Variants in XRCC4 observed in about 807,000 individuals in gnomAD.
XRCC4 encodes DNA repair protein XRCC4.
Under a neutral mutation model 39.1 loss-of-function variants are expected in XRCC4, and 28 were observed. The ratio of observed to expected loss-of-function variants is 0.72; its 90% confidence interval spans 0.53 to 0.98. The LOEUF (loss-of-function observed/expected upper bound fraction) is 0.98. XRCC4 is among the 50% of genes least tolerant of loss of function. XRCC4 has a pLI of 0.00. For missense variants in XRCC4, 350 were observed against 376.4 expected (o/e 0.93, Z 0.58); for synonymous variants, 123 against 126.4 (o/e 0.97, Z 0.18).
At chr5:83,136,144 C>T (rs529499867) in intron 3 of XRCC4, among the ~76,000 whole-genome samples, 4 of 152,216 alleles carry the variant, frequency 2.6e-5, no homozygotes, top group African/African-American at 9.6e-5. Flanking sequence ...ACTTCTGAGT[C>T]CTTTTACCTG....
At chr5:83,217,589 A>G (rs778373720) in intron 6 of XRCC4, among the ~76,000 whole-genome samples, 2 of 152,090 alleles carry the variant, frequency 1.3e-5, no homozygotes, top group Non-Finnish European at 2.9e-5. Context: ...CACTGGAGCT[A>G]TTGAAGAATG....
intron 1 of XRCC4, among the ~76,000 whole-genome samples, chr5:83,086,177 AAATG>A (rs2112295587): frequency 6.6e-6 from 1 of 152,352 alleles, no homozygotes; most frequent in Admixed American, 6.5e-5. Context: ...TTCTTAGAAG[AAATG>A]AATGATTTAT....
At chr5:83,280,078 A>C (rs1754482968) in intron 7 of XRCC4, 1 of 201,324 alleles carries the variant, frequency 5.0e-6, no homozygotes, top group Non-Finnish European at 1.1e-5. Flanking sequence ...ATTCAAAAGA[A>C]ATTGAAAAAT....
At chr5:83,243,176 A>C (rs954151149) in intron 6 of XRCC4, among the ~76,000 whole-genome samples, 1 of 152,230 alleles carries the variant, frequency 6.6e-6, no homozygotes, top group Admixed American at 6.5e-5. Context: ...TAATGTTTTA[A>C]TGGAAGTGAT....
intron 4 of XRCC4, among the ~76,000 whole-genome samples, chr5:83,196,290 T>G (rs1364511371): frequency 1.3e-5 from 2 of 152,168 alleles, no homozygotes; most frequent in African/African-American, 4.8e-5. Context: ...AGACATGAAA[T>G]AAAATAAGCA....
At chr5:83,246,970 A>G (rs1399926250) in intron 6 of XRCC4, among the ~76,000 whole-genome samples, 2 of 152,190 alleles carry the variant, frequency 1.3e-5, no homozygotes, top group Non-Finnish European at 2.9e-5. Flanking sequence ...TAGTGGAGTG[A>G]CATACATACA....
At chr5:83,136,491 T>C (rs1015646025) in intron 3 of XRCC4, among the ~76,000 whole-genome samples, 1 of 152,198 alleles carries the variant, frequency 6.6e-6, no homozygotes, top group African/African-American at 2.4e-5. Flanking sequence ...GTTTTGGAAT[T>C]TGGGTTTTCT....
chr5:83,289,696 A>G (rs567298873), intron 7 of XRCC4, among the ~76,000 whole-genome samples: 1 of 151,894 alleles, frequency 6.6e-6, no homozygotes, highest in Non-Finnish European at 1.5e-5. Context: ...CTCTACAAGT[A>G]TTTCTCTGGT....
chr5:83,308,083 A>T (rs1202543251), intron 7 of XRCC4, among the ~76,000 whole-genome samples: 1 of 152,190 alleles, frequency 6.6e-6, no homozygotes, highest in African/African-American at 2.4e-5. Flanking sequence ...TAAATGAGAG[A>T]ATGTTCCTCC....
chr5:83,247,109 G>A (rs1753132461), intron 6 of XRCC4, among the ~76,000 whole-genome samples: 3 of 152,164 alleles, frequency 2.0e-5, no homozygotes, highest in South Asian at 2.1e-4. Flanking sequence ...AACCAATTTA[G>A]TTCCACAAAC....
At chr5:83,164,748 T>G (rs1307412689) in intron 3 of XRCC4, among the ~76,000 whole-genome samples, 2 of 152,258 alleles carry the variant, frequency 1.3e-5, no homozygotes, top group African/African-American at 4.8e-5. Flanking sequence ...ATAAAAATGG[T>G]AAGTTAACCA....
intron 7 of XRCC4, among the ~76,000 whole-genome samples, chr5:83,331,388 C>T: frequency 6.6e-6 from 1 of 151,914 alleles, no homozygotes; most frequent in East Asian, 1.9e-4. Flanking sequence ...TGCATTGAAT[C>T]CATATATATG....
At chr5:83,239,243 A>G (rs1752809738) in intron 6 of XRCC4, among the ~76,000 whole-genome samples, 1 of 152,252 alleles carries the variant, frequency 6.6e-6, no homozygotes, top group African/African-American at 2.4e-5. Flanking sequence ...AAGGAAAAGA[A>G]AAAATCTAAA....
At chr5:83,266,329 C>T (rs1167583409) in intron 7 of XRCC4, among the ~76,000 whole-genome samples, 4 of 148,286 alleles carry the variant, frequency 2.7e-5, no homozygotes, top group Non-Finnish European at 6.0e-5. Context: ...TGATGTGTTA[C>T]TCAATGTAAA....
rs28360084 is a variant in XRCC4 at position 83,150,733 on chromosome 5, T to A, written c.315+39530T>A. 7.7e-3 allele frequency among the ~76,000 whole-genome samples: 1,172 copies of A among 152,288 alleles called. 12 individuals are homozygous for A. The highest frequency in any genetic ancestry group is 0.026 in the African/African-American group (1,096 of 41,570). On this transcript the variant is annotated intron_variant, in intron 3 of 7. Coordinates refer to ENST00000396027, the MANE Select transcript of XRCC4 (RefSeq NM_003401.5). ...AGCCTTTTTGAAATTTATTCTATGTTCTGTCATGACAGCCATAAATCAGCA... is the reference window on the plus strand; with the variant it reads ...AGCCTTTTTGAAATTTATTCTATGTACTGTCATGACAGCCATAAATCAGCA...
At chr5:83,210,979 G>A (rs1325155785) in intron 6 of XRCC4, among the ~76,000 whole-genome samples, 1 of 152,052 alleles carries the variant, frequency 6.6e-6, no homozygotes, top group Non-Finnish European at 1.5e-5. Flanking sequence ...TATATGTTTG[G>A]GGGGAGACAA....
chr5:83,115,857 A>G (rs1409380278), intron 3 of XRCC4, among the ~76,000 whole-genome samples: 1 of 152,212 alleles, frequency 6.6e-6, no homozygotes, highest in Non-Finnish European at 1.5e-5. Context: ...TTATTTGTTT[A>G]TGAGAAAGAA....
intron 6 of XRCC4, among the ~76,000 whole-genome samples, chr5:83,211,078 T>G (rs1162462585): frequency 6.6e-6 from 1 of 152,150 alleles, no homozygotes; most frequent in African/African-American, 2.4e-5. Flanking sequence ...GAATCTAAAA[T>G]TGACCCAAAA....
intron 6 of XRCC4, among the ~76,000 whole-genome samples, chr5:83,231,877 C>T (rs1182331596): frequency 6.6e-6 from 1 of 152,032 alleles, no homozygotes; most frequent in Non-Finnish European, 1.5e-5. Flanking sequence ...TTATAAACTG[C>T]CAGTGAGATC....
Sources: gnomAD v4.1 joint callset for allele counts (sites outside exome capture counted in the v4.1 genomes callset) on GRCh38, gnomAD v4.1.1 for gene constraint, MANE v1.5 for transcripts, NCBI Gene and HGNC (gene_info 2026-07-23, HGNC 2026-07-21) for gene names.